The following FGF12 variants were observed in gnomAD, a reference collection of about 807,000 sequenced individuals.
FGF12 encodes the protein fibroblast growth factor 12B.
In FGF12, 14 loss-of-function variants were observed where a neutral mutation model predicts 23.6. The ratio of observed to expected loss-of-function variants is 0.59; its 90% confidence interval spans 0.39 to 0.93. The LOEUF (loss-of-function observed/expected upper bound fraction) is 0.93. FGF12 is among the 40% of genes least tolerant of loss of function. FGF12 has a pLI of 0.00. For synonymous variants in FGF12, 62 were observed against 77.3 expected (o/e 0.80, Z 1.04); for missense variants, 175 against 217.8 (o/e 0.80, Z 1.24).
intron 2 of FGF12, among the ~76,000 whole-genome samples, chr3:192,700,819 A>G (rs1718269294): frequency 1.3e-5 from 2 of 152,194 alleles, no homozygotes; most frequent in African/African-American, 4.8e-5. Context: ...TCAAACAGAG[A>G]TCTTAAGATT....
chr3:192,365,592 A>C (rs1445815340), intron 2 of FGF12, among the ~76,000 whole-genome samples: 3 of 152,102 alleles, frequency 2.0e-5, no homozygotes, highest in African/African-American at 7.2e-5. Context: ...CTAAGATAAT[A>C]ATTATATTAA....
chr3:192,382,660 G>T (rs545807737), intron 2 of FGF12, among the ~76,000 whole-genome samples: 16 of 152,118 alleles, frequency 1.1e-4, no homozygotes, highest in African/African-American at 3.9e-4. Flanking sequence ...AAAAGAGATT[G>T]GTTCTAAATA....
chr3:192,710,932 G>C lies in FGF12; in HGVS notation c.13+16249C>G, dbSNP rs184187694. Among the ~76,000 whole-genome samples, 9 of 152,166 alleles carry C rather than the reference G, an allele frequency of 5.9e-5. No homozygotes were observed. In the South Asian group the frequency reaches 1.9e-3, roughly 32 times the overall value. On this transcript the variant is annotated intron_variant, in intron 2 of 5. Coordinates refer to ENST00000445105, the MANE Select transcript of FGF12 (RefSeq NM_004113.6). ...GGAAGAGTCTTCTTTGAGGAATCTT[G>C]GAAACGTAAGAGGTAAGACCTAAAG...
intron 4 of FGF12, among the ~76,000 whole-genome samples, chr3:192,185,599 C>T (rs987213153): frequency 1.3e-5 from 2 of 151,666 alleles, no homozygotes; most frequent in Non-Finnish European, 2.9e-5. Flanking sequence ...TGGTGGCTCA[C>T]GCCTGTAATG....
At chr3:192,624,196 T>C (rs1186783416) in intron 2 of FGF12, among the ~76,000 whole-genome samples, 1 of 144,464 alleles carries the variant, frequency 6.9e-6, no homozygotes, top group African/African-American at 2.5e-5. Context: ...ATCTCTTAGA[T>C]AAAAAAAAAA....
chr3:192,166,293 G>T (rs1715157521), intron 5 of FGF12, among the ~76,000 whole-genome samples: 1 of 152,192 alleles, frequency 6.6e-6, no homozygotes. Context: ...CCAATTTCAT[G>T]TGTTTCATGT....
chr3:192,513,804 G>A (rs1724566387), intron 2 of FGF12, among the ~76,000 whole-genome samples: 1 of 152,156 alleles, frequency 6.6e-6, no homozygotes, highest in African/African-American at 2.4e-5. Flanking sequence ...TTTGTAAAAG[G>A]AAAATCAAGA....
At chr3:192,155,168 C>T (rs573543728) in intron 5 of FGF12, among the ~76,000 whole-genome samples, 66 of 151,316 alleles carry the variant, frequency 4.4e-4, no homozygotes, top group African/African-American at 1.5e-3. Flanking sequence ...CGCCCTGCTT[C>T]GGCTCGCGCA....
At chr3:192,696,073 T>C (rs563951201) in intron 2 of FGF12, among the ~76,000 whole-genome samples, 1 of 152,070 alleles carries the variant, frequency 6.6e-6, no homozygotes, top group East Asian at 1.9e-4. Flanking sequence ...CACTCCAACC[T>C]GGGTGACGGA....
intron 2 of FGF12, among the ~76,000 whole-genome samples, chr3:192,441,460 T>A (rs1468018822): frequency 6.6e-6 from 1 of 152,186 alleles, no homozygotes; most frequent in Non-Finnish European, 1.5e-5. Flanking sequence ...TTTCCTTCCC[T>A]GTAACGCCTC....
chr3:192,510,918 T>C (rs1724450134), intron 2 of FGF12, among the ~76,000 whole-genome samples: 1 of 152,124 alleles, frequency 6.6e-6, no homozygotes, highest in Non-Finnish European at 1.5e-5. Context: ...TTCTAGAAAA[T>C]GCTAAACTAT....
chr3:192,383,067 A>T lies in FGF12; in HGVS notation c.14-22529T>A, dbSNP rs1160096069. Among the ~76,000 whole-genome samples, 22 of 152,348 alleles carry T rather than the reference A, an allele frequency of 1.4e-4. No individual in the cohort carries two copies. In the East Asian group the frequency reaches 4.2e-3, roughly 29 times the overall value. The stretch of plus-strand genomic sequence containing the variant: ...CAGAAAGGGAAATGTGTGGGAGCAC[A>T]GTAAAAATAGAAAGTGGAAGTATGT... On this transcript the variant is annotated intron_variant, in intron 2 of 5. Coordinates refer to ENST00000445105, the MANE Select transcript of FGF12 (RefSeq NM_004113.6).
intron 4 of FGF12, among the ~76,000 whole-genome samples, chr3:192,234,841 A>C (rs1376062498): frequency 6.6e-6 from 1 of 152,182 alleles, no homozygotes; most frequent in Admixed American, 6.6e-5. Flanking sequence ...GATGAATCGC[A>C]TTTATTGATA....
intron 4 of FGF12, among the ~76,000 whole-genome samples, chr3:192,212,110 A>C (rs979257014): frequency 6.6e-6 from 1 of 152,176 alleles, no homozygotes; most frequent in Admixed American, 6.5e-5. Flanking sequence ...ACTTATACAG[A>C]CGTGCACAGC....
intron 2 of FGF12, among the ~76,000 whole-genome samples, chr3:192,685,902 T>C (rs1346407744): frequency 1.3e-5 from 2 of 152,170 alleles, no homozygotes; most frequent in Non-Finnish European, 2.9e-5. Flanking sequence ...GCTTACAGTA[T>C]ATTTCTCCAG....
intron 2 of FGF12, among the ~76,000 whole-genome samples, chr3:192,439,842 T>A (rs577684639): frequency 1.1e-4 from 16 of 151,604 alleles, no homozygotes; most frequent in Non-Finnish European, 1.5e-4. Flanking sequence ...CCGGGTGTGG[T>A]GGTGGGCGCC....
At chr3:192,677,029 A>T (rs568561196) in intron 2 of FGF12, among the ~76,000 whole-genome samples, 1 of 152,334 alleles carries the variant, frequency 6.6e-6, no homozygotes, top group East Asian at 1.9e-4. Flanking sequence ...TCCAGTGTCT[A>T]GTAAGTCACT....
intron 4 of FGF12, among the ~76,000 whole-genome samples, chr3:192,203,627 G>A (rs750490640): frequency 1.4e-5 from 2 of 146,656 alleles, no homozygotes; most frequent in South Asian, 2.1e-4. Flanking sequence ...GGAGTGCAAC[G>A]GCACAATCAT....
intron 4 of FGF12, among the ~76,000 whole-genome samples, chr3:192,263,273 T>G (rs1282858104): frequency 6.6e-6 from 1 of 152,096 alleles, no homozygotes. Flanking sequence ...AATTATTTAG[T>G]ATCAAGGCAT....
Sources: allele counts gnomAD v4.1 joint callset (sites outside exome capture counted in the v4.1 genomes callset), GRCh38; gene constraint gnomAD v4.1.1; transcripts MANE v1.5; gene names NCBI Gene and HGNC (gene_info 2026-07-23, HGNC 2026-07-21).